The following INTS9 variants were observed in gnomAD, a reference collection of about 807,000 sequenced individuals.
The protein encoded by INTS9 is integrator complex subunit 9, also known as protein related to CPSF subunits of 74 kDa.
In INTS9, 55 loss-of-function variants were observed where a neutral mutation model predicts 79.7. That is an observed-to-expected ratio of 0.69 (90% CI 0.56 to 0.86). The LOEUF is 0.86. Ranked by LOEUF, INTS9 falls within the 40% of genes least tolerant of loss-of-function variation. The pLI is 0.00. For missense variants in INTS9, 721 were observed against 831.5 expected, an observed-to-expected ratio of 0.87 and a Z score of 1.64; for synonymous variants, 319 against 325.2, an observed-to-expected ratio of 0.98 and a Z score of 0.20.
rs148342021 is a variant in INTS9 at position 28,855,587 on chromosome 8, C to T, written c.137+3849G>A. 1.3e-3 allele frequency among the ~76,000 whole-genome samples: 195 copies of T among 152,266 alleles called. 2 individuals carry two copies. Among genetic ancestry groups the T allele is most frequent in the African/African-American group, 3.9e-3 (163 of 41,546 alleles). ...TTAAAAACCTCAAGGTCATAAAAGA[C>T]GGACTGGGAAAGTCTTCCAGATTAA... On this transcript the variant is annotated intron_variant, in intron 2 of 16. Transcript: ENST00000521022.
At chr8:28,834,031 G>A (rs569931859) in intron 6 of INTS9, among the ~76,000 whole-genome samples, 1 of 152,306 alleles carries the variant, frequency 6.6e-6, no homozygotes, top group Non-Finnish European at 1.5e-5. Flanking sequence ...TCTGAGACCA[G>A]CAACAACCTG....
At chr8:28,858,448 GT>G (rs1056889383) in intron 2 of INTS9, among the ~76,000 whole-genome samples, 43 of 152,146 alleles carry the variant, frequency 2.8e-4, no homozygotes, top group Non-Finnish European at 5.6e-4. Context: ...ATAACCAATT[GT>G]CATGTAAACA....
intron 1 of INTS9, among the ~76,000 whole-genome samples, chr8:28,874,121 T>C (rs915818975): frequency 7.9e-5 from 12 of 152,220 alleles, no homozygotes; most frequent in African/African-American, 2.7e-4. Context: ...TTTGATTATA[T>C]GTCACTTTCC....
chr8:28,813,396 G>C, intron 7 of INTS9, 96 bp downstream of exon 7: 1 of 1,256,170 alleles, frequency 8.0e-7, no homozygotes, highest in Non-Finnish European at 1.1e-6. Context: ...CAATGGAATG[G>C]CTTTAAAAAC....
chr8:28,770,844 C>A (rs963121546), intron 15 of INTS9, 138 bp downstream of exon 15: 2 of 691,608 alleles, frequency 2.9e-6, no homozygotes, highest in Non-Finnish European at 4.9e-6. Flanking sequence ...GGCACAGCAG[C>A]CTCTCTGAGG....
chr8:28,851,745 G>C (rs1413880915), intron 2 of INTS9, among the ~76,000 whole-genome samples: 1 of 151,976 alleles, frequency 6.6e-6, no homozygotes, highest in Non-Finnish European at 1.5e-5. Flanking sequence ...CCGGGGGTGG[G>C]GGGTAAGTTT....
intron 6 of INTS9, among the ~76,000 whole-genome samples, chr8:28,821,433 A>G (rs1805821398): frequency 1.3e-5 from 2 of 152,206 alleles, no homozygotes; most frequent in Non-Finnish European, 2.9e-5. Context: ...CCATGATTCC[A>G]TTATCTCCCC....
Position 28,818,288 on chromosome 8 carries a change from T to C in INTS9, c.489-4676A>G, listed in dbSNP as rs1214430034. Among the ~76,000 whole-genome samples, 13 of 144,456 alleles carry C rather than the reference T, an allele frequency of 9.0e-5. No individual in the cohort carries two copies. The South Asian group carries it at 1.9e-3, about 21-fold the overall frequency. 94.8% of individuals were successfully genotyped at this position (144,456 alleles called of 152,430 possible). A position where few individuals can be genotyped will look rare whatever the true frequency, so the allele number is the denominator to read the frequency against. On this transcript the variant is annotated intron_variant, in intron 6 of 16. Transcript: ENST00000521022. The stretch of plus-strand genomic sequence containing the variant: ...ATTCAGTATGATATTGGCTGTGGGT[T>C]TGTCATAGATAGCTCTTATTATTTT...
chr8:28,883,646 A>G lies in INTS9; in HGVS notation c.9+6228T>C, dbSNP rs548869235. On this transcript the variant is annotated intron_variant, in intron 1 of 16. Transcript: ENST00000521022. ...AATATTTGAGCCTGAGCCCAAGGGT[A>G]TCTCTAATCAGGACATTCAATGTAA... is the stretch of plus-strand genomic sequence containing the variant. 6.5e-4 allele frequency among the ~76,000 whole-genome samples: 99 copies of G among 152,356 alleles called. 1 individual carries two copies. The highest frequency in any genetic ancestry group is 1.4e-3 in the South Asian group (7 of 4,830).
intron 10 of INTS9, among the ~76,000 whole-genome samples, chr8:28,792,991 A>C (rs192158368): frequency 6.6e-6 from 1 of 151,804 alleles, no homozygotes; most frequent in Non-Finnish European, 1.5e-5. Context: ...CACAGCGGGG[A>C]AAAAAACGAC....
chr8:28,805,275 G>T (rs543820405), intron 8 of INTS9, among the ~76,000 whole-genome samples: 8 of 152,236 alleles, frequency 5.3e-5, no homozygotes, highest in Middle Eastern at 6.8e-3. Flanking sequence ...GGAAAATGAA[G>T]TCATATTTCC....
intron 10 of INTS9, among the ~76,000 whole-genome samples, 172 bp from the exon 11 acceptor site, chr8:28,788,061 T>C (rs1170274480): frequency 6.6e-6 from 1 of 152,252 alleles, no homozygotes; most frequent in Admixed American, 6.5e-5. Flanking sequence ...ATGTATCTTG[T>C]ATGTTTTTAA....
intron 12 of INTS9, among the ~76,000 whole-genome samples, chr8:28,778,173 G>T (rs145279774): frequency 6.6e-6 from 1 of 152,252 alleles, no homozygotes; most frequent in Non-Finnish European, 1.5e-5. Context: ...GGCAGATGAG[G>T]TAAATGAGGG....
intron 6 of INTS9, among the ~76,000 whole-genome samples, chr8:28,820,880 C>T (rs958909628): frequency 4.0e-5 from 6 of 151,772 alleles, no homozygotes; most frequent in African/African-American, 1.5e-4. Flanking sequence ...GTATGTAATG[C>T]ATATATATTC....
At chr8:28,862,461 A>G (rs982898187) in intron 1 of INTS9, among the ~76,000 whole-genome samples, 3 of 152,200 alleles carry the variant, frequency 2.0e-5, no homozygotes, top group African/African-American at 7.2e-5. Context: ...ATTGTTGAAC[A>G]TTGAGGGTTG....
At chr8:28,834,673 T>A (rs1002407448) in intron 6 of INTS9, among the ~76,000 whole-genome samples, 15 of 142,840 alleles carry the variant, frequency 1.1e-4, no homozygotes, top group African/African-American at 4.0e-4. Context: ...GGGGCAAACA[T>A]CTGTTTTTTT....
intron 1 of INTS9, among the ~76,000 whole-genome samples, chr8:28,881,197 A>T: frequency 7.8e-6 from 1 of 127,538 alleles, no homozygotes; most frequent in South Asian, 2.8e-4. Context: ...GGCCGCCCCT[A>T]CTGGGAAGTG....
At chr8:28,880,222 A>G (rs1809630006) in intron 1 of INTS9, among the ~76,000 whole-genome samples, 1 of 148,520 alleles carries the variant, frequency 6.7e-6, no homozygotes, top group Admixed American at 6.7e-5. Context: ...AAATGTAGAC[A>G]TAGCTCTCCC....
intron 6 of INTS9, among the ~76,000 whole-genome samples, chr8:28,825,503 C>T (rs1806093891): frequency 6.6e-6 from 1 of 152,176 alleles, no homozygotes; most frequent in African/African-American, 2.4e-5. Context: ...CTGCCATTAC[C>T]CAGAACACCA....
Sources: gnomAD v4.1 joint callset for allele counts (sites outside exome capture counted in the v4.1 genomes callset) on GRCh38, gnomAD v4.1.1 for gene constraint, MANE v1.5 for transcripts, NCBI Gene and HGNC (gene_info 2026-07-23, HGNC 2026-07-21) for gene names.